The following ERC1 variants were observed in gnomAD, a reference collection of about 807,000 sequenced individuals.
ERC1 encodes the protein RAB6 interacting protein 2.
A neutral mutation model predicts 132.0 loss-of-function variants in ERC1; 56 were observed. The observed-to-expected ratio is 0.42, with a 90% confidence interval of 0.34 to 0.53. The LOEUF is 0.53. ERC1 is among the 20% of genes least tolerant of loss of function. The probability of loss-of-function intolerance (pLI) is 0.03; values close to 1 mark genes in which losing one functional copy is unlikely to be tolerated. For synonymous variants in ERC1, 478 were observed against 476.1 expected (o/e 1.00, Z -0.05); for missense variants, 1,202 against 1,349.9 (o/e 0.89, Z 1.72).
chr12:1,058,789 G>GTTTTTTTTTT (rs33992098), intron 2 of ERC1, among the ~76,000 whole-genome samples: 1 of 129,864 alleles, frequency 7.7e-6, no homozygotes, highest in Admixed American at 8.1e-5. Flanking sequence ...TGGAAAGTAT[G>GTTTTTTTTTT]TTTTTTTTTT....
intron 18 of ERC1, chr12:1,444,980 T>G: frequency 2.4e-6 from 1 of 415,762 alleles, no homozygotes; most frequent in South Asian, 6.6e-5. Flanking sequence ...GATATAATTT[T>G]TAAACTGATT....
At chr12:1,066,832 G>A in intron 2 of ERC1, among the ~76,000 whole-genome samples, 1 of 52,444 alleles carries the variant, frequency 1.9e-5, no homozygotes, top group African/African-American at 7.4e-5. Flanking sequence ...GCGAGACTCT[G>A]TCTCAAAAAA....
At chr12:1,431,146 G>A (rs117806375) in intron 17 of ERC1, among the ~76,000 whole-genome samples, 4,750 of 152,250 alleles carry the variant, frequency 0.031, 93 homozygotes, top group Middle Eastern at 0.11. Flanking sequence ...GCTGTGATGC[G>A]CTGATGCCGA....
chr12:1,482,981 T>G (rs1243248148), intron 18 of ERC1, among the ~76,000 whole-genome samples: 2 of 152,112 alleles, frequency 1.3e-5, no homozygotes, highest in Non-Finnish European at 2.9e-5. Flanking sequence ...ACTCTGGATT[T>G]GGCTACTCTG....
In ERC1 at chr12:1,414,043, C is replaced by A. The variant is rs74595509; in HGVS notation, c.3024+5796C>A. The stretch of plus-strand genomic sequence containing the variant: ...ACCTAGATCCCTCCCATGCCCAGTT[C>A]GCAGTAGGGTTTGCGCTCCCGTGAG... On this transcript the variant is annotated intron_variant, in intron 17 of 18. Transcript: ENST00000360905. 4.2e-3 allele frequency among the ~76,000 whole-genome samples: 632 copies of A among 152,252 alleles called. 4 individuals are homozygous for A. The highest frequency in any genetic ancestry group is 0.014 in the African/African-American group (600 of 41,546).
At chr12:1,409,003 A>C (rs190578681) in intron 17 of ERC1, among the ~76,000 whole-genome samples, 40 of 152,304 alleles carry the variant, frequency 2.6e-4, no homozygotes, top group African/African-American at 8.9e-4. Flanking sequence ...AAAACCAGTC[A>C]GGTAATCACA....
At chr12:1,341,065 T>TTTTCTTTC (rs1199034983) in intron 15 of ERC1, among the ~76,000 whole-genome samples, 2 of 95,420 alleles carry the variant, frequency 2.1e-5, no homozygotes, top group African/African-American at 3.8e-5. Flanking sequence ...ATTCTTTTCT[T>TTTTCTTTC]TTTCTTTTTT....
chr12:1,387,271 C>T (rs2089481181), intron 16 of ERC1, among the ~76,000 whole-genome samples: 1 of 152,052 alleles, frequency 6.6e-6, no homozygotes, highest in Non-Finnish European at 1.5e-5. Flanking sequence ...TAGAGTTGTG[C>T]CATAGTGGGT....
intron 3 of ERC1, among the ~76,000 whole-genome samples, chr12:1,098,748 G>A (rs1944339380): frequency 6.6e-6 from 1 of 152,254 alleles, no homozygotes; most frequent in East Asian, 1.9e-4. Flanking sequence ...TATGAGTCCT[G>A]AAATCAGAGC....
At chr12:1,342,715 A>G (rs898429152) in intron 15 of ERC1, among the ~76,000 whole-genome samples, 3 of 152,224 alleles carry the variant, frequency 2.0e-5, no homozygotes, top group East Asian at 1.9e-4. Context: ...TCACAGAGGT[A>G]TGAAATATTA....
chr12:999,864 G>A (rs1182404220), intron 1 of ERC1, among the ~76,000 whole-genome samples: 2 of 152,114 alleles, frequency 1.3e-5, no homozygotes, highest in Admixed American at 1.3e-4. Context: ...CAGAGTGCTG[G>A]GATTACAGGC....
At chr12:1,356,753 C>A (rs748467469) in intron 15 of ERC1, among the ~76,000 whole-genome samples, 2 of 152,178 alleles carry the variant, frequency 1.3e-5, no homozygotes, top group Non-Finnish European at 2.9e-5. Context: ...AAGATGGGAC[C>A]ATCCCAGCTG....
intron 18 of ERC1, among the ~76,000 whole-genome samples, chr12:1,478,522 G>A (rs1395703024): frequency 2.6e-5 from 4 of 152,124 alleles, no homozygotes; most frequent in African/African-American, 7.2e-5. Context: ...GGCCGGGCGC[G>A]GTGGCTCACG....
chr12:1,230,243 C>T (rs111958088), intron 12 of ERC1, among the ~76,000 whole-genome samples: 10,217 of 152,232 alleles, frequency 0.067, 832 homozygotes, highest in African/African-American at 0.19. Context: ...AAGTGATCCG[C>T]CCACCTCAGT....
intron 1 of ERC1, among the ~76,000 whole-genome samples, chr12:1,008,030 A>G (rs897601941): frequency 2.0e-5 from 3 of 152,312 alleles, no homozygotes; most frequent in Admixed American, 1.3e-4. Context: ...GAGAGTCAGA[A>G]TAACAGGTGG....
intron 7 of ERC1, among the ~76,000 whole-genome samples, chr12:1,116,532 C>G (rs1946463203): frequency 6.6e-6 from 1 of 151,664 alleles, no homozygotes; most frequent in Admixed American, 6.6e-5. Flanking sequence ...AATGTGTCTT[C>G]ATATCCTGTT....
intron 3 of ERC1, among the ~76,000 whole-genome samples, chr12:1,094,041 C>T (rs1414282360): frequency 3.2e-5 from 4 of 123,556 alleles, no homozygotes; most frequent in African/African-American, 1.2e-4. Flanking sequence ...TTTTTTGAGA[C>T]ATAGTGTGGC....
At chr12:1,383,635 C>G (rs1215747625) in intron 16 of ERC1, among the ~76,000 whole-genome samples, 1 of 152,038 alleles carries the variant, frequency 6.6e-6, no homozygotes, top group Admixed American at 6.5e-5. Flanking sequence ...CTCTGTCACA[C>G]ACACACAAAA....
At chr12:1,410,162 A>G (rs117783351) in intron 17 of ERC1, among the ~76,000 whole-genome samples, 4,162 of 152,318 alleles carry the variant, frequency 0.027, 90 homozygotes, top group Non-Finnish European at 0.043. Flanking sequence ...GTATATGTAT[A>G]TATTTCATCC....
Sources: allele counts gnomAD v4.1 joint callset (sites outside exome capture counted in the v4.1 genomes callset), GRCh38; gene constraint gnomAD v4.1.1; transcripts MANE v1.5; gene names NCBI Gene and HGNC (gene_info 2026-07-23, HGNC 2026-07-21).